The following TSHR variants were observed in gnomAD, a reference collection of about 807,000 sequenced individuals.
The protein encoded by TSHR is thyroid stimulating hormone receptor.
A neutral mutation model predicts 64.1 loss-of-function variants in TSHR; 51 were observed. That is an observed-to-expected ratio of 0.80 (90% CI 0.64 to 1.01). TSHR has a LOEUF of 1.01. Ranked by LOEUF, TSHR falls within the 50% of genes least tolerant of loss-of-function variation. TSHR has a pLI of 0.00. For synonymous variants in TSHR, 361 were observed against 361.9 expected, an observed-to-expected ratio of 1.00 and a Z score of 0.03; for missense variants, 877 against 942.8, an observed-to-expected ratio of 0.93 and a Z score of 0.91.
chr14:80,986,996 T>C (rs1888490730), intron 1 of TSHR, among the ~76,000 whole-genome samples: 1 of 152,206 alleles, frequency 6.6e-6, no homozygotes, highest in Admixed American at 6.5e-5. Context: ...TCAGTATCTT[T>C]TAAGAAAATT....
At chr14:81,108,559 G>A (rs1310819428) in intron 8 of TSHR, 107 bp downstream of exon 8, 5 of 1,610,046 alleles carry the variant, frequency 3.1e-6, no homozygotes, top group Admixed American at 1.7e-5. Flanking sequence ...GGTAGAAAAT[G>A]TTGCTGTCTC....
At chr14:81,037,029 G>A (rs1884659601) in intron 1 of TSHR, among the ~76,000 whole-genome samples, 1 of 152,026 alleles carries the variant, frequency 6.6e-6, no homozygotes. Flanking sequence ...TGCAGTCCCA[G>A]GTACTCAGGA....
intron 1 of TSHR, among the ~76,000 whole-genome samples, chr14:81,016,004 TA>T (rs1007140989): frequency 7.9e-5 from 12 of 152,060 alleles, no homozygotes; most frequent in African/African-American, 2.9e-4. Context: ...ATGTGCCACT[TA>T]AAAAAAATCC....
At chr14:81,086,454 T>G (rs1458457653) in intron 3 of TSHR, among the ~76,000 whole-genome samples, 2 of 152,208 alleles carry the variant, frequency 1.3e-5, no homozygotes, top group African/African-American at 2.4e-5. Context: ...TCACAACATC[T>G]CCAGTCCCAA....
rs202150484 is a variant in TSHR, at chr14:80,955,666, C to G, written c.-15C>G. 1.9e-5 allele frequency: 31 copies of G among 1,613,516 alleles called. No homozygotes were observed. In the Admixed American group the frequency reaches 2.2e-4, roughly 11 times the overall value. ...ATTTCGGAGGATGGAGAAATAGCCCCGAGTCCCGTGGAAAATGAGGCCGGC... is the reference window on the plus strand; with the variant it reads ...ATTTCGGAGGATGGAGAAATAGCCCGGAGTCCCGTGGAAAATGAGGCCGGC... On this transcript the variant is annotated 5_prime_UTR_variant, in exon 1 of 10. Transcript: ENST00000298171.
At chr14:81,061,925 G>T (rs1315647818) in intron 1 of TSHR, among the ~76,000 whole-genome samples, 1 of 152,078 alleles carries the variant, frequency 6.6e-6, no homozygotes, top group Non-Finnish European at 1.5e-5. Context: ...GAAGTCTGAT[G>T]ATTTACTTTC....
At chr14:81,141,519 T>C (rs79432565) in intron 9 of TSHR, among the ~76,000 whole-genome samples, 2,638 of 152,324 alleles carry the variant, frequency 0.017, 79 homozygotes, top group African/African-American at 0.06. Context: ...TAAACAGATA[T>C]TTACTGAGCA....
At chr14:81,092,462 C>A in intron 5 of TSHR, 69 bp from the exon 6 acceptor site, 1 of 1,367,884 alleles carries the variant, frequency 7.3e-7, no homozygotes, top group Non-Finnish European at 1.0e-6. Flanking sequence ...AGTGCATATG[C>A]GCAGCAAGAC....
At chr14:81,066,676 G>C (rs1372764084) in intron 2 of TSHR, among the ~76,000 whole-genome samples, 1 of 152,148 alleles carries the variant, frequency 6.6e-6, no homozygotes, top group African/African-American at 2.4e-5. Flanking sequence ...CTACACATTA[G>C]AATTGGCTAA....
intron 1 of TSHR, chr14:80,991,466 T>G: frequency 2.5e-6 from 1 of 395,356 alleles, no homozygotes. Flanking sequence ...TTGAAAGCAA[T>G]TAATGGTGAC....
At chr14:80,961,037 G>A (rs981733816) in intron 1 of TSHR, among the ~76,000 whole-genome samples, 2 of 152,248 alleles carry the variant, frequency 1.3e-5, no homozygotes, top group Non-Finnish European at 2.9e-5. Flanking sequence ...ATAGCTGCTG[G>A]AGGTAGGAAG....
intron 1 of TSHR, among the ~76,000 whole-genome samples, chr14:81,037,430 AACAAACAAACAAAC>A (rs1407476641): frequency 1.3e-5 from 2 of 149,318 alleles, no homozygotes; most frequent in Non-Finnish European, 3.0e-5. Flanking sequence ...AAAACAAACA[AACAAACAAACAAAC>A]AAAAAACAGA....
intron 1 of TSHR, chr14:80,995,369 GAC>G (rs1354214354): frequency 6.6e-6 from 1 of 152,038 alleles, no homozygotes; most frequent in African/African-American, 2.4e-5. Context: ...CTATTATAAA[GAC>G]ACATGTGTAT....
At chr14:81,057,911 T>C (rs17111398) in intron 1 of TSHR, among the ~76,000 whole-genome samples, 38,962 of 152,096 alleles carry the variant, frequency 0.26, 5,127 homozygotes, top group South Asian at 0.3. Context: ...CCCACACCTA[T>C]ATATGCACAT....
intron 1 of TSHR, among the ~76,000 whole-genome samples, chr14:80,966,293 G>C (rs143325964): frequency 6.6e-6 from 1 of 152,262 alleles, no homozygotes; most frequent in Non-Finnish European, 1.5e-5. Flanking sequence ...GCATAAATGA[G>C]ATACTCTTCC....
At chr14:81,140,692 C>G (rs1378418241) in intron 9 of TSHR, among the ~76,000 whole-genome samples, 1 of 152,190 alleles carries the variant, frequency 6.6e-6, no homozygotes, top group Non-Finnish European at 1.5e-5. Context: ...TTCTCCTAAT[C>G]CACCTTCATC....
chr14:81,017,405 C>A (rs117641033), intron 1 of TSHR, among the ~76,000 whole-genome samples: 140 of 152,242 alleles, frequency 9.2e-4, no homozygotes, highest in Admixed American at 2.0e-3. Context: ...AACTCAAGGG[C>A]ACCAGGAGTA....
chr14:80,990,769 C>G (rs2139740038), intron 1 of TSHR, among the ~76,000 whole-genome samples: 1 of 152,164 alleles, frequency 6.6e-6, no homozygotes, highest in East Asian at 1.9e-4. Context: ...ATTCTCCTGC[C>G]TCAGCCTTCC....
At chr14:80,982,178 C>G (rs751527617) in intron 1 of TSHR, 3 of 588,584 alleles carry the variant, frequency 5.1e-6, no homozygotes, top group Non-Finnish European at 6.2e-6. Context: ...TGTCTAAGAA[C>G]AAGGTCGGTG....
Sources: gnomAD v4.1 joint callset for allele counts (sites outside exome capture counted in the v4.1 genomes callset) on GRCh38, gnomAD v4.1.1 for gene constraint, MANE v1.5 for transcripts, NCBI Gene and HGNC (gene_info 2026-07-23, HGNC 2026-07-21) for gene names.